DSG4: variants seen among roughly 807,000 people sequenced by gnomAD.
DSG4 encodes the protein desmoglein-4.
In DSG4, 87 loss-of-function variants were observed where a neutral mutation model predicts 93.1. That is an observed-to-expected ratio of 0.93 (90% CI 0.79 to 1.12). The LOEUF is 1.12. Ranked by LOEUF, DSG4 falls within the 50% of genes most tolerant of loss-of-function variation. DSG4 has a pLI of 0.00. For missense variants in DSG4, 1,373 were observed against 1,285.7 expected (o/e 1.07, Z -1.04); for synonymous variants, 432 against 452.9 (o/e 0.95, Z 0.59).
At chr18:31,411,058 TG>T in intron 14 of DSG4, 172 bp from the exon 15 acceptor site, 2 of 1,512,862 alleles carry the variant, frequency 1.3e-6, no homozygotes, top group Non-Finnish European at 1.8e-6. Context: ...TACTTTTATT[TG>T]GTCAACAAGC....
At position 31,412,864 on chromosome 18, in the gene DSG4, C is replaced by T; in HGVS notation, c.2392C>T (p.Pro798Ser). 6.2e-7 allele frequency: 1 copy of T among 1,614,192 alleles called. No homozygotes were observed. The highest frequency in any genetic ancestry group is 1.1e-5 in the South Asian group (1 of 91,086). ...TTATGCAGATGAAGATGAAGGTCGA[C>T]CAGCCAATGACTGCTTGCTCATTTA... The part of the protein sequence containing the change: ...YAYADEDEGR[P>S]ANDCLLIYDH... The change falls in exon 16 of 16, where the codon CCA (proline) becomes TCA (serine). Residue 798 changes from proline (P) to serine (S), a missense_variant. Transcript: ENST00000308128.
At chr18:31,393,297 C>T (rs538070805) in intron 8 of DSG4, among the ~76,000 whole-genome samples, 1 of 152,296 alleles carries the variant, frequency 6.6e-6, no homozygotes, top group Admixed American at 6.5e-5. Context: ...TATTCAAGCA[C>T]ATAAGGCTCT....
At chr18:31,387,682 C>T (rs1476204138) in intron 3 of DSG4, among the ~76,000 whole-genome samples, 1 of 152,006 alleles carries the variant, frequency 6.6e-6, no homozygotes, top group Non-Finnish European at 1.5e-5. Flanking sequence ...AGTTCTATTT[C>T]CAGCAGTCTT....
In DSG4 at chr18:31,412,766, G is replaced by C; in HGVS notation, c.2356-62G>C. ...TCAGAAGTCTCTCTGAGGGATTGCT[G>C]TTATTCTTCCTTATTTTAGGGAAAA... On this transcript the variant is annotated intron_variant, in intron 15 of 15. Coordinates refer to ENST00000308128, the MANE Select transcript of DSG4 (RefSeq NM_177986.5). 7.0e-6 allele frequency: 11 copies of C among 1,577,452 alleles called. No homozygotes were observed. The Admixed American group carries it at 1.7e-4, about 24-fold the overall frequency.
At position 31,413,357 on chromosome 18, in the gene DSG4, T is replaced by C. The variant is rs201635969; in HGVS notation, c.2885T>C (p.Val962Ala). Reference protein sequence around the residue: ...VPAELADYNNVIYAERVLASP... With the variant: ...VPAELADYNNAIYAERVLASP... The stretch of plus-strand genomic sequence containing the variant: ...GCTGAGTTAGCAGATTACAACAATG[T>C]AATCTATGCTGAGAGAGTACTGGCT... Residue 962 changes from valine (V) to alanine (A), a missense_variant, in exon 16 of 16, where the codon GTA becomes GCA. Physicochemically the swap from Val to Ala is moderately conservative, Grantham distance 64. Coordinates refer to ENST00000308128, the MANE Select transcript of DSG4 (RefSeq NM_177986.5). 3 of 1,614,056 alleles carry C rather than the reference T, an allele frequency of 1.9e-6. No homozygotes were observed. The highest frequency in any genetic ancestry group is 2.5e-6 in the Non-Finnish European group (3 of 1,180,048).
intron 12 of DSG4, 115 bp from the exon 13 acceptor site, chr18:31,409,337 A>G: frequency 6.7e-7 from 1 of 1,485,332 alleles, no homozygotes; most frequent in Non-Finnish European, 9.3e-7. Context: ...TCTTACATAT[A>G]TTTGTATTTT....
At chr18:31,411,159 G>T (rs1401049596) in intron 14 of DSG4, 72 bp from the exon 15 acceptor site, 2 of 1,614,140 alleles carry the variant, frequency 1.2e-6, no homozygotes, top group African/African-American at 2.7e-5. Context: ...GCAGACGGCG[G>T]CGGCAGCGTT....
chr18:31,414,026 A>T lies in DSG4; in HGVS notation c.*431A>T, dbSNP rs1348345789. The T allele has an allele frequency of 6.1e-6, 1 of 162,730 alleles. No homozygotes were observed. Among genetic ancestry groups the T allele is most frequent in the Non-Finnish European group, 1.4e-5 (1 of 74,034 alleles). 10.1% of individuals were successfully genotyped at this position (162,730 alleles called of 1,614,324 possible). A position where few individuals can be genotyped will look rare whatever the true frequency, so the allele number is the denominator to read the frequency against. On this transcript the variant is annotated 3_prime_UTR_variant, in exon 16 of 16. Transcript: ENST00000308128. ...TTTATATTAAAATTTTTAATTGAAA[A>T]GTTGAATGAAATGTACATTCTGAAA...
chr18:31,381,154 C>G (rs901066061), intron 1 of DSG4, among the ~76,000 whole-genome samples: 1 of 152,056 alleles, frequency 6.6e-6, no homozygotes, highest in African/African-American at 2.4e-5. Flanking sequence ...TCTTTCTTAC[C>G]AAGTCACTTA....
chr18:31,403,553 T>C lies in DSG4; in HGVS notation c.1555T>C (p.Ser519Pro), dbSNP rs1203159159. Reference sequence around the variant, plus strand: ...AGTCCTTATCTCTGTTAATGAACATTCTTATGGGTCTCCGTTTACTTTCTG... The same window carrying C: ...AGTCCTTATCTCTGTTAATGAACATCCTTATGGGTCTCCGTTTACTTTCTG... ...PSVLISVNEH[S>P]YGSPFTFCVV... Residue 519 changes from serine (S) to proline (P), a missense_variant, in exon 11 of 16, where the codon TCT becomes CCT. Transcript: ENST00000308128. 1 of 1,614,102 alleles carries C rather than the reference T, an allele frequency of 6.2e-7. No individual in the cohort carries two copies. The highest frequency in any genetic ancestry group is 8.5e-7 in the Non-Finnish European group (1 of 1,179,976).
chr18:31,411,342 C>CA lies in DSG4; in HGVS notation c.2250dup (p.Gly751ArgfsTer21). 6.2e-7 allele frequency: 1 copy of CA among 1,611,064 alleles called. No individual in the cohort carries two copies. The highest frequency in any genetic ancestry group is 8.5e-7 in the Non-Finnish European group (1 of 1,179,896). On this transcript the variant is annotated frameshift_variant, in exon 15 of 16. Transcript: ENST00000308128. LOFTEE classifies it high-confidence loss of function. ...GTTGGCCTCATGGCCGCAGGGGCCG[C>CA]AGGAGCCTCAGGGGCCGCAAGGAAG... is the stretch of plus-strand genomic sequence containing the variant.
At chr18:31,403,373 C>A in intron 10 of DSG4, 43 bp from the exon 11 acceptor site, 1 of 1,517,550 alleles carries the variant, frequency 6.6e-7, no homozygotes, top group Non-Finnish European at 9.1e-7. Flanking sequence ...AGTTTTCTCC[C>A]TAACACCATT....
chr18:31,409,590 G>A lies in DSG4; in HGVS notation c.2072G>A (p.Arg691Lys). 1 of 1,614,218 alleles carries A rather than the reference G, an allele frequency of 6.2e-7. No homozygotes were observed. Among genetic ancestry groups the A allele is most frequent in the Non-Finnish European group, 8.5e-7 (1 of 1,180,050 alleles). Residue 691 changes from arginine to lysine, a missense_variant and splice_region_variant, in exon 13 of 16, where the codon AGG becomes AAG. Physicochemically the swap from Arg to Lys is conservative, Grantham distance 26. Transcript: ENST00000308128. ...ATTGAAGGGGCCCATCCCGAGGACA[G>A]GGTAAGTGGACTGTCACTCTCCAGA... The part of the protein sequence containing the change: ...WRIEGAHPED[R>K]DVSNICAPMT...
intron 1 of DSG4, among the ~76,000 whole-genome samples, chr18:31,379,408 T>C (rs2072111221): frequency 6.6e-6 from 1 of 152,248 alleles, no homozygotes; most frequent in African/African-American, 2.4e-5. Context: ...ATAAATAGTT[T>C]TCATAAATTT....
chr18:31,406,024 C>A, intron 11 of DSG4, 53 bp from the exon 12 acceptor site: 1 of 1,609,110 alleles, frequency 6.2e-7, no homozygotes, highest in Admixed American at 1.7e-5. Flanking sequence ...AACCACCCCC[C>A]TAGCCCACCA....
intron 11 of DSG4, 102 bp from the exon 12 acceptor site, chr18:31,405,975 T>C (rs1172772990): frequency 7.7e-7 from 1 of 1,307,086 alleles, no homozygotes; most frequent in South Asian, 1.2e-5. Flanking sequence ...GCATGAAAAA[T>C]CTAGTGTTTT....
chr18:31,385,186 A>T lies in DSG4; in HGVS notation c.84+15A>T. The T allele has an allele frequency of 6.4e-7, 1 of 1,552,264 alleles. No homozygotes were observed. The highest frequency in any genetic ancestry group is 8.8e-7 in the Non-Finnish European group (1 of 1,136,266). On this transcript the variant is annotated intron_variant, in intron 2 of 15. Transcript: ENST00000308128. ...TTATTGTTGAGGTAATGTAAAATAA[A>T]ATTATTTTCTCAATTTAAAATTAAA...
In DSG4 at chr18:31,402,750, A is replaced by G. The variant is rs188384744; in HGVS notation, c.1418-666A>G. 5.3e-5 allele frequency among the ~76,000 whole-genome samples: 8 copies of G among 152,320 alleles called. No homozygotes were observed. In the East Asian group the frequency reaches 1.3e-3, roughly 26 times the overall value. ...CGCTGTAACAGAACATAGAGTAGAA[A>G]AGTGGACTAAAAAGCTCCTGGACTC... On this transcript the variant is annotated intron_variant, in intron 10 of 15. Transcript: ENST00000308128.
chr18:31,383,744 G>T (rs1208001177), intron 1 of DSG4, among the ~76,000 whole-genome samples: 1 of 152,032 alleles, frequency 6.6e-6, no homozygotes, highest in East Asian at 1.9e-4. Context: ...TTCAGCCATG[G>T]CAAACGTTAT....
Sources: gnomAD v4.1 joint callset for allele counts (sites outside exome capture counted in the v4.1 genomes callset) on GRCh38, gnomAD v4.1.1 for gene constraint, MANE v1.5 for transcripts, NCBI Gene and HGNC (gene_info 2026-07-23, HGNC 2026-07-21) for gene names.